The following ZNF385B variants were observed in gnomAD, a reference collection of about 807,000 sequenced individuals.
ZNF385B encodes the protein zinc finger protein 385B.
ZNF385B carries 23 observed loss-of-function variants against 39.2 expected under a neutral mutation model. The ratio of observed to expected loss-of-function variants is 0.59; its 90% CI spans 0.42 to 0.83. ZNF385B has a LOEUF of 0.83. Ranked by LOEUF, ZNF385B falls within the 40% of genes least tolerant of loss-of-function variation. ZNF385B has a pLI of 0.00. For synonymous variants in ZNF385B, 205 were observed against 222.6 expected, an observed-to-expected ratio of 0.92 and a Z score of 0.70; for missense variants, 552 against 598.9, an observed-to-expected ratio of 0.92 and a Z score of 0.82.
chr2:179,683,391 A>T lies in ZNF385B; in HGVS notation c.298+86112T>A, dbSNP rs6707332. On this transcript the variant is annotated intron_variant, in intron 3 of 9. Transcript: ENST00000410066. Reference sequence around the variant, plus strand: ...GGCAACAGAGTGTCTCAAAAAAGAAAAAAAGGAGCTAAGAGTGGCTATCTC... The same window carrying T: ...GGCAACAGAGTGTCTCAAAAAAGAATAAAAGGAGCTAAGAGTGGCTATCTC... 2.0e-3 allele frequency among the ~76,000 whole-genome samples: 304 copies of T among 152,232 alleles called. 2 individuals carry two copies. Among genetic ancestry groups the T allele is most frequent in the African/African-American group, 7.1e-3 (295 of 41,536 alleles).
chr2:179,748,101 C>T (rs1702481423), intron 3 of ZNF385B, among the ~76,000 whole-genome samples: 1 of 151,978 alleles, frequency 6.6e-6, no homozygotes, highest in Non-Finnish European at 1.5e-5. Context: ...TGTTCTCTTG[C>T]TTAGGCAAGA....
At chr2:179,595,208 T>C (rs1687898987) in intron 3 of ZNF385B, among the ~76,000 whole-genome samples, 1 of 152,086 alleles carries the variant, frequency 6.6e-6, no homozygotes, top group Non-Finnish European at 1.5e-5. Flanking sequence ...ATCCATAGGG[T>C]ATCTGATCTT....
At chr2:179,763,909 G>C (rs779773914) in intron 3 of ZNF385B, among the ~76,000 whole-genome samples, 2 of 152,090 alleles carry the variant, frequency 1.3e-5, no homozygotes, top group African/African-American at 4.8e-5. Flanking sequence ...GTGAATAGCT[G>C]TATAGGCACT....
At chr2:179,484,624 A>G (rs1333763438) in intron 5 of ZNF385B, among the ~76,000 whole-genome samples, 2 of 152,070 alleles carry the variant, frequency 1.3e-5, no homozygotes, top group Non-Finnish European at 2.9e-5. Flanking sequence ...CGATAGTTGG[A>G]CAGACAGAAT....
chr2:179,772,417 A>T (rs1704064850), intron 1 of ZNF385B, among the ~76,000 whole-genome samples: 1 of 152,174 alleles, frequency 6.6e-6, no homozygotes, highest in Non-Finnish European at 1.5e-5. Context: ...CATTCTGTTC[A>T]CCAAATCCCA....
chr2:179,474,126 T>C (rs955532828), intron 6 of ZNF385B, among the ~76,000 whole-genome samples: 1 of 151,392 alleles, frequency 6.6e-6, no homozygotes. Flanking sequence ...AAAACAGTTG[T>C]AAAATAGGGT....
At chr2:179,699,637 C>A (rs1699028671) in intron 3 of ZNF385B, among the ~76,000 whole-genome samples, 1 of 152,102 alleles carries the variant, frequency 6.6e-6, no homozygotes, top group African/African-American at 2.4e-5. Context: ...TACATGACAC[C>A]CTGATCCACT....
chr2:179,732,710 C>T (rs1701474986), intron 3 of ZNF385B, among the ~76,000 whole-genome samples: 1 of 152,106 alleles, frequency 6.6e-6, no homozygotes, highest in African/African-American at 2.4e-5. Context: ...CATAAAATGT[C>T]CATCATCTCA....
At chr2:179,624,659 G>T (rs1690502195) in intron 3 of ZNF385B, among the ~76,000 whole-genome samples, 1 of 152,162 alleles carries the variant, frequency 6.6e-6, no homozygotes. Flanking sequence ...TGATACTGTG[G>T]ATTCAAGCCT....
At chr2:179,664,350 C>A (rs560386952) in intron 3 of ZNF385B, among the ~76,000 whole-genome samples, 20 of 152,058 alleles carry the variant, frequency 1.3e-4, no homozygotes, top group Admixed American at 3.3e-4. Context: ...AAGGCATTAA[C>A]TAATATTATT....
At chr2:179,840,320 C>A (rs1434982057) in intron 1 of ZNF385B, among the ~76,000 whole-genome samples, 3 of 152,140 alleles carry the variant, frequency 2.0e-5, no homozygotes, top group African/African-American at 4.8e-5. Flanking sequence ...TTCTATATAT[C>A]CATATTCAAG....
At chr2:179,447,656 A>G (rs898046539) in intron 6 of ZNF385B, among the ~76,000 whole-genome samples, 2 of 152,210 alleles carry the variant, frequency 1.3e-5, no homozygotes, top group South Asian at 2.1e-4. Flanking sequence ...TAATCCTAGT[A>G]GAGCTGGTAC....
intron 3 of ZNF385B, among the ~76,000 whole-genome samples, chr2:179,713,048 G>T (rs1165862194): frequency 6.6e-6 from 1 of 152,136 alleles, no homozygotes; most frequent in Admixed American, 6.5e-5. Context: ...CTCCACAGTG[G>T]ACTGTGTTGC....
intron 1 of ZNF385B, among the ~76,000 whole-genome samples, chr2:179,785,804 G>C (rs1488361925): frequency 2.0e-5 from 3 of 152,100 alleles, no homozygotes; most frequent in African/African-American, 7.2e-5. Flanking sequence ...TGTGAACATC[G>C]CTGAAATGAC....
intron 3 of ZNF385B, among the ~76,000 whole-genome samples, chr2:179,744,522 A>G (rs1702266675): frequency 6.6e-6 from 1 of 152,150 alleles, no homozygotes; most frequent in African/African-American, 2.4e-5. Context: ...ACTTGCCGAG[A>G]CAGATTGGTG....
intron 1 of ZNF385B, among the ~76,000 whole-genome samples, chr2:179,815,332 A>G (rs531517212): frequency 7.2e-5 from 11 of 152,306 alleles, no homozygotes; most frequent in African/African-American, 2.6e-4. Context: ...AGGTAATGGG[A>G]GCAGAACATT....
chr2:179,776,392 G>A (rs1374991351), intron 1 of ZNF385B, among the ~76,000 whole-genome samples: 1 of 152,152 alleles, frequency 6.6e-6, no homozygotes, highest in Non-Finnish European at 1.5e-5. Flanking sequence ...CCTTGAAATG[G>A]GGTGACAGGC....
At chr2:179,475,410 C>A (rs2053301413) in intron 6 of ZNF385B, among the ~76,000 whole-genome samples, 1 of 151,930 alleles carries the variant, frequency 6.6e-6, no homozygotes, top group Non-Finnish European at 1.5e-5. Context: ...CGCCACCATG[C>A]CCAGCTAATT....
intron 4 of ZNF385B, among the ~76,000 whole-genome samples, chr2:179,533,604 G>T (rs541944122): frequency 3.2e-4 from 48 of 152,192 alleles, no homozygotes; most frequent in African/African-American, 1.0e-3. Flanking sequence ...AGGAAAACAG[G>T]TGTGTGGGAG....
Sources: allele counts gnomAD v4.1 joint callset (sites outside exome capture counted in the v4.1 genomes callset), GRCh38; gene constraint gnomAD v4.1.1; transcripts MANE v1.5; gene names NCBI Gene and HGNC (gene_info 2026-07-23, HGNC 2026-07-21).